Variants in SEMA6D observed in about 807,000 individuals in gnomAD.
The protein encoded by SEMA6D is semaphorin-6D.
SEMA6D carries 35 observed loss-of-function variants against 106.6 expected under a neutral mutation model. That is an observed-to-expected ratio of 0.33 (90% CI 0.25 to 0.44). SEMA6D has a LOEUF of 0.44. SEMA6D is among the 20% of genes least tolerant of loss of function. The pLI, the probability that SEMA6D is intolerant of heterozygous loss-of-function variation, is 1.00. For synonymous variants in SEMA6D, 499 were observed against 487.7 expected (o/e 1.02, Z -0.31); for missense variants, 1,185 against 1,345.9 (o/e 0.88, Z 1.87).
chr15:47,753,723 C>G (rs2081570054), intron 1 of SEMA6D, among the ~76,000 whole-genome samples: 1 of 152,122 alleles, frequency 6.6e-6, no homozygotes, highest in Non-Finnish European at 1.5e-5. Flanking sequence ...GGGAAACTAT[C>G]AGGTAAAAGA....
At chr15:47,505,167 A>T (rs1333013802) in intron 3 of SEMA6D, among the ~76,000 whole-genome samples, 2 of 152,142 alleles carry the variant, frequency 1.3e-5, no homozygotes, top group Non-Finnish European at 2.9e-5. Context: ...AGAAAGGACC[A>T]TAAATATGCT....
intron 1 of SEMA6D, among the ~76,000 whole-genome samples, chr15:47,311,330 T>C (rs1218181304): frequency 1.3e-5 from 2 of 152,182 alleles, no homozygotes; most frequent in African/African-American, 4.8e-5. Context: ...ATTCAGGAGT[T>C]ATTAATGTAA....
chr15:47,728,743 C>T (rs1159008238), intron 1 of SEMA6D, among the ~76,000 whole-genome samples: 1 of 152,182 alleles, frequency 6.6e-6, no homozygotes, highest in African/African-American at 2.4e-5. Flanking sequence ...TCCAGCTTCT[C>T]AGGCTGTCTT....
intron 4 of SEMA6D, among the ~76,000 whole-genome samples, chr15:47,703,788 G>A (rs970286700): frequency 1.3e-5 from 2 of 152,078 alleles, no homozygotes; most frequent in African/African-American, 4.8e-5. Context: ...TCAGGGCAAG[G>A]GGAGATAGGG....
chr15:47,286,856 G>A (rs1417428572), intron 1 of SEMA6D, among the ~76,000 whole-genome samples: 1 of 152,070 alleles, frequency 6.6e-6, no homozygotes, highest in Non-Finnish European at 1.5e-5. Flanking sequence ...CATTAAAGTG[G>A]CTGATACCCT....
At chr15:47,192,191 CAGATGAAGGCCATGCTTCCT>C (rs1482717944) in intron 1 of SEMA6D, among the ~76,000 whole-genome samples, 3 of 152,188 alleles carry the variant, frequency 2.0e-5, no homozygotes, top group Non-Finnish European at 4.4e-5. Flanking sequence ...CCCTCACTCT[CAGATGAAGGCCATGCTTCCT>C]ATTCACTGAT....
At chr15:47,707,512 G>A (rs1224659) in intron 4 of SEMA6D, among the ~76,000 whole-genome samples, 49,854 of 152,038 alleles carry the variant, frequency 0.33, 8,964 homozygotes, top group Middle Eastern at 0.45. Flanking sequence ...GAATTGCCAC[G>A]TCTGCATTTC....
intron 1 of SEMA6D, among the ~76,000 whole-genome samples, chr15:47,202,074 C>T (rs1235567753): frequency 1.3e-5 from 2 of 151,834 alleles, no homozygotes; most frequent in African/African-American, 4.8e-5. Context: ...AGCCACAAGC[C>T]TGTGGTCTGT....
intron 1 of SEMA6D, among the ~76,000 whole-genome samples, chr15:47,245,662 A>AAC (rs2033156014): frequency 6.6e-6 from 1 of 152,112 alleles, no homozygotes; most frequent in Non-Finnish European, 1.5e-5. Context: ...GAACCTGCCA[A>AAC]TTTTCTGCAT....
intron 1 of SEMA6D, among the ~76,000 whole-genome samples, chr15:47,317,475 G>A (rs2036728070): frequency 1.3e-5 from 2 of 152,064 alleles, no homozygotes; most frequent in South Asian, 4.1e-4. Flanking sequence ...TCTTTATGTA[G>A]ATTCACATTT....
At chr15:47,430,512 A>G (rs912017782) in intron 2 of SEMA6D, among the ~76,000 whole-genome samples, 1 of 152,088 alleles carries the variant, frequency 6.6e-6, no homozygotes, top group African/African-American at 2.4e-5. Context: ...ATGAAAGGGC[A>G]GAAACATAGG....
At chr15:47,446,955 A>G (rs748466705) in intron 2 of SEMA6D, among the ~76,000 whole-genome samples, 26 of 152,260 alleles carry the variant, frequency 1.7e-4, no homozygotes, top group South Asian at 2.1e-4. Context: ...GTTTGCGTGC[A>G]GGACAACATC....
chr15:47,386,664 A>G (rs2039849119), intron 1 of SEMA6D, among the ~76,000 whole-genome samples: 1 of 152,186 alleles, frequency 6.6e-6, no homozygotes, highest in African/African-American at 2.4e-5. Context: ...ATTGGCTGGC[A>G]GTTACCTATG....
chr15:47,768,884 T>G, intron 18 of SEMA6D, 136 bp downstream of exon 18: 1 of 692,798 alleles, frequency 1.4e-6, no homozygotes, highest in Non-Finnish European at 2.3e-6. Flanking sequence ...CTTGCCACAG[T>G]CTCTCTGGCT....
intron 1 of SEMA6D, among the ~76,000 whole-genome samples, chr15:47,222,547 A>G (rs763601428): frequency 4.7e-4 from 72 of 152,166 alleles, no homozygotes; most frequent in African/African-American, 1.6e-3. Context: ...GGGGTATACT[A>G]TTTGACTACA....
chr15:47,628,759 T>C (rs1378950176), intron 4 of SEMA6D, among the ~76,000 whole-genome samples: 1 of 152,120 alleles, frequency 6.6e-6, no homozygotes, highest in Non-Finnish European at 1.5e-5. Context: ...TTTGAAGAGG[T>C]CTTTTCTTCT....
chr15:47,460,880 T>C (rs1483733414), intron 2 of SEMA6D, among the ~76,000 whole-genome samples: 3 of 152,068 alleles, frequency 2.0e-5, no homozygotes, highest in Non-Finnish European at 2.9e-5. Flanking sequence ...TTAACTCAAC[T>C]AACTATGCCT....
intron 1 of SEMA6D, among the ~76,000 whole-genome samples, chr15:47,217,399 C>T (rs2141307872): frequency 6.6e-6 from 1 of 152,172 alleles, no homozygotes; most frequent in Middle Eastern, 3.4e-3. Context: ...TAATAGCAAA[C>T]AACTGGAAAA....
chr15:47,259,720 T>A (rs900287607), intron 1 of SEMA6D, among the ~76,000 whole-genome samples: 1 of 152,208 alleles, frequency 6.6e-6, no homozygotes, highest in African/African-American at 2.4e-5. Context: ...TTGGGTTTTT[T>A]ACCCAAATTT....
Sources: gnomAD v4.1 joint callset for allele counts (sites outside exome capture counted in the v4.1 genomes callset) on GRCh38, gnomAD v4.1.1 for gene constraint, MANE v1.5 for transcripts, NCBI Gene and HGNC (gene_info 2026-07-23, HGNC 2026-07-21) for gene names.